Variants in LRIG2 observed in about 807,000 individuals in gnomAD.
LRIG2 encodes leucine rich repeats and immunoglobulin like domains 2, also known as leucine-rich repeats and immunoglobulin-like domains protein 2.
In LRIG2, 93 loss-of-function variants were observed where a neutral mutation model predicts 107.8. That is an observed-to-expected ratio of 0.86 (90% CI 0.73 to 1.03). LRIG2 has a LOEUF of 1.03. Ranked by LOEUF, LRIG2 falls within the 50% of genes least tolerant of loss-of-function variation. The probability of loss-of-function intolerance (pLI) is 0.00; values close to 1 mark genes in which losing one functional copy is unlikely to be tolerated. For missense variants in LRIG2, 1,226 were observed against 1,296.0 expected (o/e 0.95, Z 0.83); for synonymous variants, 471 against 470.6 (o/e 1.00, Z -0.01).
intron 1 of LRIG2, among the ~76,000 whole-genome samples, chr1:113,075,256 A>G (rs1395074789): frequency 1.3e-5 from 2 of 152,166 alleles, no homozygotes; most frequent in African/African-American, 4.8e-5. Context: ...TTGAAGTGCA[A>G]TTAAAATATG....
rs763381961 is a variant in LRIG2 at position 113,073,358 on chromosome 1, C to T, written c.-49C>T. On this transcript the variant is annotated 5_prime_UTR_variant, in exon 1 of 18. Coordinates refer to ENST00000361127, the MANE Select transcript of LRIG2 (RefSeq NM_014813.3). ...CTGCTGAGCTTCTCCGCCGATCCTC[C>T]TTTTCTAGCAGGCAGCTCTTCTAGG... 8 of 1,492,412 alleles carry T rather than the reference C, an allele frequency of 5.4e-6. No individual in the cohort carries two copies. The highest frequency in any genetic ancestry group is 1.2e-5 in the South Asian group (1 of 86,192). 92.4% of individuals were successfully genotyped at this position (1,492,412 alleles called of 1,614,324 possible).
intron 16 of LRIG2, among the ~76,000 whole-genome samples, chr1:113,118,022 C>T (rs935007933): frequency 2.0e-5 from 3 of 151,842 alleles, no homozygotes; most frequent in Middle Eastern, 3.4e-3. Context: ...CCGGTTCAAG[C>T]GATTCTCCTG....
chr1:113,077,924 C>T (rs1054235253), intron 1 of LRIG2, among the ~76,000 whole-genome samples: 1 of 135,656 alleles, frequency 7.4e-6, no homozygotes. Flanking sequence ...TGTGATGTTC[C>T]CCTTCCTGTG....
At chr1:113,074,873 CACTCCAGCCTGAAA>C (rs1453973038) in intron 1 of LRIG2, among the ~76,000 whole-genome samples, 1 of 142,784 alleles carries the variant, frequency 7.0e-6, no homozygotes, top group Admixed American at 7.5e-5. Flanking sequence ...CACGCCACTG[CACTCCAGCCTGAAA>C]ACAGAGCGAG....
chr1:113,119,412 A>G lies in LRIG2; in HGVS notation c.2860A>G (p.Thr954Ala), dbSNP rs1570774846. 7 of 1,614,028 alleles carry G rather than the reference A, an allele frequency of 4.3e-6. No homozygotes were observed. The highest frequency in any genetic ancestry group is 5.1e-6 in the Non-Finnish European group (6 of 1,180,036). Residue 954 changes from threonine to alanine, a missense_variant, in exon 17 of 18, where the codon ACT (threonine) becomes GCT (alanine). By Grantham distance (58) the Thr-to-Ala change is moderately conservative. This residue lies in a region of LRIG2 where 642 missense variants were observed against 712.2 expected (regional missense o/e 0.90). Coordinates refer to ENST00000361127, the MANE Select transcript of LRIG2 (RefSeq NM_014813.3). ...ETYLVHPPQD[T>A]TALESLIPSA... ...ATATTTAGTACATCCTCCCCAGGATACTACTGCCCTAGAGAGCCTGATACC... is the reference window on the plus strand; with the variant it reads ...ATATTTAGTACATCCTCCCCAGGATGCTACTGCCCTAGAGAGCCTGATACC...
chr1:113,084,998 A>T (rs1470400210), intron 1 of LRIG2, among the ~76,000 whole-genome samples: 1 of 152,234 alleles, frequency 6.6e-6, no homozygotes, highest in African/African-American at 2.4e-5. Flanking sequence ...TATCCAAATT[A>T]TTGATTTCAT....
At chr1:113,107,393 TC>T (rs1654585129) in intron 11 of LRIG2, among the ~76,000 whole-genome samples, 200 bp from the exon 12 acceptor site, 1 of 152,148 alleles carries the variant, frequency 6.6e-6, no homozygotes, top group Admixed American at 6.6e-5. Context: ...CCACCCTTCT[TC>T]CCCTCTCTTT....
intron 8 of LRIG2, among the ~76,000 whole-genome samples, chr1:113,097,190 T>G (rs1654105498): frequency 6.6e-6 from 1 of 150,978 alleles, no homozygotes; most frequent in South Asian, 2.1e-4. Context: ...TATATATAAA[T>G]ATATCTAATT....
chr1:113,095,246 C>T (rs1433815255), intron 6 of LRIG2, among the ~76,000 whole-genome samples: 1 of 152,098 alleles, frequency 6.6e-6, no homozygotes, highest in Non-Finnish European at 1.5e-5. Context: ...GCTGTGATTA[C>T]AGGCATGAGC....
At chr1:113,084,510 C>T (rs147852105) in intron 1 of LRIG2, among the ~76,000 whole-genome samples, 2 of 152,102 alleles carry the variant, frequency 1.3e-5, no homozygotes, top group Non-Finnish European at 2.9e-5. Flanking sequence ...CCACCGCGCC[C>T]GGCATACTTA....
In LRIG2 at chr1:113,073,479, C is replaced by T; in HGVS notation, c.73C>T (p.Leu25Phe). 6.2e-7 allele frequency: 1 copy of T among 1,614,172 alleles called. No individual in the cohort carries two copies. Among genetic ancestry groups the T allele is most frequent in the Non-Finnish European group, 8.5e-7 (1 of 1,180,012 alleles). ...TCGATCTAGAGTGCTTTCTCGGTTA[C>T]TCTTCATTGCCCAGACCGCTCTCCT... Reference protein sequence around the residue: ...GCRSRVLSRLLFIAQTALLLL... With the variant: ...GCRSRVLSRLFFIAQTALLLL... The change falls in exon 1 of 18, where the codon CTC (leucine) becomes TTC (phenylalanine). Residue 25 changes from leucine to phenylalanine, a missense_variant. Coordinates refer to ENST00000361127, the MANE Select transcript of LRIG2 (RefSeq NM_014813.3).
chr1:113,099,170 C>T (rs1434478064), intron 9 of LRIG2, among the ~76,000 whole-genome samples: 1 of 151,650 alleles, frequency 6.6e-6, no homozygotes, highest in South Asian at 2.1e-4. Context: ...CTCCTGACCT[C>T]GTGATCTGCC....
chr1:113,094,845 T>C (rs1308022820), intron 6 of LRIG2, 90 bp downstream of exon 6: 49 of 1,245,824 alleles, frequency 3.9e-5, no homozygotes, highest in Non-Finnish European at 4.8e-5. Context: ...GTTCTGATTA[T>C]AGAGATACAT....
intron 1 of LRIG2, among the ~76,000 whole-genome samples, chr1:113,081,933 T>C (rs1177201069): frequency 6.6e-6 from 1 of 152,216 alleles, no homozygotes; most frequent in African/African-American, 2.4e-5. Flanking sequence ...AACAGCAGTT[T>C]TAGTTTGCAA....
chr1:113,111,662 A>G (rs991488668), intron 13 of LRIG2, among the ~76,000 whole-genome samples: 1 of 152,202 alleles, frequency 6.6e-6, no homozygotes, highest in Admixed American at 6.5e-5. Context: ...TGATTTATCT[A>G]TTGCCTATTA....
chr1:113,086,682 G>T (rs984075477), intron 1 of LRIG2, among the ~76,000 whole-genome samples: 1 of 152,086 alleles, frequency 6.6e-6, no homozygotes, highest in Non-Finnish European at 1.5e-5. Flanking sequence ...ATTTACCCCT[G>T]ATGGTACTAA....
intron 13 of LRIG2, among the ~76,000 whole-genome samples, chr1:113,112,242 A>G (rs897562280): frequency 2.6e-5 from 4 of 152,162 alleles, no homozygotes; most frequent in African/African-American, 7.2e-5. Flanking sequence ...GCAGTGAGCT[A>G]TGATTGCGCC....
At chr1:113,117,788 C>G (rs1397523898) in intron 16 of LRIG2, among the ~76,000 whole-genome samples, 1 of 151,624 alleles carries the variant, frequency 6.6e-6, no homozygotes, top group African/African-American at 2.4e-5. Context: ...GCTGGCATTT[C>G]TGACTTTTAA....
rs1421300031 is a variant in LRIG2, at chr1:113,112,539, G to T, written c.1859G>T (p.Arg620Ile). 6.2e-7 allele frequency: 1 copy of T among 1,614,006 alleles called. No individual in the cohort carries two copies. Among genetic ancestry groups the T allele is most frequent in the Non-Finnish European group, 8.5e-7 (1 of 1,179,998 alleles). The change falls in exon 14 of 18, where the codon AGA becomes ATA. Residue 620 changes from arginine to isoleucine, a missense_variant. Arg to Ile is a moderately conservative substitution (Grantham distance 97). Coordinates refer to ENST00000361127, the MANE Select transcript of LRIG2 (RefSeq NM_014813.3). ...DLTIRTGAMA[R>I]LECAAEGHPA... ...ACTATTCGCACTGGTGCCATGGCCAGATTAGAATGTGCTGCAGAGGGACAC... is the reference window on the plus strand; with the variant it reads ...ACTATTCGCACTGGTGCCATGGCCATATTAGAATGTGCTGCAGAGGGACAC...
Sources: allele counts gnomAD v4.1 joint callset (sites outside exome capture counted in the v4.1 genomes callset), GRCh38; gene constraint gnomAD v4.1.1; regional missense constraint gnomAD v4.1.1; transcripts MANE v1.5; gene names NCBI Gene and HGNC (gene_info 2026-07-23, HGNC 2026-07-21).